CDH23: variants seen among roughly 807,000 people sequenced by gnomAD.
The protein encoded by CDH23 is cadherin related 23.
Under a neutral mutation model 317.1 loss-of-function variants are expected in CDH23, and 189 were observed. That is an observed-to-expected ratio of 0.60 (90% CI 0.53 to 0.67). The LOEUF is 0.67. Among genes scored for constraint, CDH23 ranks in the 30% least tolerant of loss-of-function variants. The probability of loss-of-function intolerance (pLI) is 0.00; values close to 1 mark genes in which losing one functional copy is unlikely to be tolerated. For missense variants in CDH23, 4,401 were observed against 4,592.4 expected, an observed-to-expected ratio of 0.96 and a Z score of 1.20; for synonymous variants, 1,839 against 1,876.8, an observed-to-expected ratio of 0.98 and a Z score of 0.52.
At chr10:71,586,191 G>A (rs991220380) in intron 9 of CDH23, among the ~76,000 whole-genome samples, 1 of 152,158 alleles carries the variant, frequency 6.6e-6, no homozygotes, top group African/African-American at 2.4e-5. Flanking sequence ...GTGGGGTTGG[G>A]GGGTTTCTAG....
intron 3 of CDH23, among the ~76,000 whole-genome samples, chr10:71,475,603 C>T (rs760887300): frequency 6.6e-5 from 10 of 152,192 alleles, no homozygotes; most frequent in Admixed American, 3.3e-4. Context: ...CCTGTATGCC[C>T]GCGTGACAAT....
intron 30 of CDH23, 59 bp from the exon 31 acceptor site, chr10:71,730,410 C>T: frequency 1.3e-6 from 2 of 1,590,302 alleles, no homozygotes; most frequent in South Asian, 1.1e-5. Context: ...TGGGCCAAGC[C>T]CTGGGCTTCC....
intron 3 of CDH23, among the ~76,000 whole-genome samples, chr10:71,458,961 G>A (rs1031330039): frequency 6.6e-6 from 1 of 151,100 alleles, no homozygotes; most frequent in African/African-American, 2.4e-5. Context: ...CTAATTTTTT[G>A]TATTTTTAGT....
chr10:71,419,003 AT>A (rs1281656514), intron 1 of CDH23, among the ~76,000 whole-genome samples: 1 of 152,206 alleles, frequency 6.6e-6, no homozygotes, highest in African/African-American at 2.4e-5. Flanking sequence ...ATAATAATAC[AT>A]TTTTAGCTTT....
At position 71,776,137 on chromosome 10, in the gene CDH23, C is replaced by T. The variant is rs147400337; in HGVS notation, c.4846-1543C>T. Among the ~76,000 whole-genome samples, 71 of 152,300 alleles carry T rather than the reference C, an allele frequency of 4.7e-4. 1 individual carries two copies. The highest frequency in any genetic ancestry group is 1.5e-3 in the African/African-American group (64 of 41,556). ...GTCCAGAGAGGGGATGTGACCTGCC[C>T]AAGGCCACGCAGCTCCTTTTCAAGG... On this transcript the variant is annotated intron_variant, in intron 38 of 69. Transcript: ENST00000224721.
intron 8 of CDH23, among the ~76,000 whole-genome samples, chr10:71,575,122 C>G (rs1858097847): frequency 6.6e-6 from 1 of 152,202 alleles, no homozygotes; most frequent in African/African-American, 2.4e-5. Context: ...GCCCTGGAGG[C>G]TGCTAGCTGT....
intron 38 of CDH23, chr10:71,755,602 C>A (rs901502281): frequency 9.0e-6 from 7 of 778,158 alleles, no homozygotes; most frequent in African/African-American, 8.8e-5. Context: ...AGACCCCCAG[C>A]AACCTACAGA....
intron 6 of CDH23, among the ~76,000 whole-genome samples, chr10:71,514,566 C>T (rs1013139028): frequency 5.9e-5 from 9 of 152,140 alleles, no homozygotes; most frequent in East Asian, 1.9e-4. Flanking sequence ...AAGCCTCTGC[C>T]GGGTCCAGCC....
intron 24 of CDH23, 59 bp downstream of exon 24, chr10:71,702,753 G>A: frequency 6.2e-7 from 1 of 1,600,294 alleles, no homozygotes; most frequent in Non-Finnish European, 8.5e-7. Context: ...TGCCTGAGGA[G>A]CCTAGCCCAG....
At chr10:71,660,232 C>A (rs994443408) in intron 14 of CDH23, among the ~76,000 whole-genome samples, 2 of 152,040 alleles carry the variant, frequency 1.3e-5, no homozygotes, top group Non-Finnish European at 2.9e-5. Flanking sequence ...GTGAGTGAGC[C>A]ACCGCGCCCG....
chr10:71,509,458 A>G (rs1853830723), intron 3 of CDH23, among the ~76,000 whole-genome samples: 1 of 152,190 alleles, frequency 6.6e-6, no homozygotes, highest in Non-Finnish European at 1.5e-5. Flanking sequence ...CTGTCTCTCC[A>G]TACATCATTT....
At chr10:71,686,394 G>A (rs1864897178) in intron 18 of CDH23, among the ~76,000 whole-genome samples, 2 of 152,098 alleles carry the variant, frequency 1.3e-5, no homozygotes, top group Admixed American at 1.3e-4. Flanking sequence ...GGGCAGGTCA[G>A]CGTGACCCAG....
intron 30 of CDH23, 122 bp downstream of exon 30, chr10:71,725,642 T>C: frequency 8.5e-7 from 1 of 1,182,006 alleles, no homozygotes; most frequent in Non-Finnish European, 1.2e-6. Flanking sequence ...AGGTGCTGAA[T>C]GACATCTGGG....
chr10:71,474,127 C>T (rs182161469), intron 3 of CDH23, among the ~76,000 whole-genome samples: 1 of 152,326 alleles, frequency 6.6e-6, no homozygotes, highest in South Asian at 2.1e-4. Context: ...CTCCACAATG[C>T]CAGAGGCACC....
At chr10:71,667,499 G>A (rs553488736) in intron 14 of CDH23, among the ~76,000 whole-genome samples, 1 of 152,040 alleles carries the variant, frequency 6.6e-6, no homozygotes, top group South Asian at 2.1e-4. Context: ...GTGTGCAGGG[G>A]GTACAGGATG....
Position 71,729,316 on chromosome 10 carries a change from T to C in CDH23, c.3580-1153T>C, listed in dbSNP as rs530033367. ...GAGACAAGGATTGGTGTGAAAGTAA[T>C]GTGTAAGAAGCGCCCACAGGAAAAG... On this transcript the variant is annotated intron_variant, in intron 30 of 69. Coordinates refer to ENST00000224721, the MANE Select transcript of CDH23 (RefSeq NM_022124.6). 5.3e-5 allele frequency among the ~76,000 whole-genome samples: 8 copies of C among 152,178 alleles called. No homozygotes were observed. In the East Asian group the frequency reaches 7.7e-4, roughly 15 times the overall value.
intron 3 of CDH23, among the ~76,000 whole-genome samples, chr10:71,477,642 T>C (rs1373560368): frequency 6.6e-6 from 1 of 152,230 alleles, no homozygotes; most frequent in Non-Finnish European, 1.5e-5. Flanking sequence ...TGAACGAGCA[T>C]GCCCTGCATC....
intron 34 of CDH23, among the ~76,000 whole-genome samples, chr10:71,736,815 G>A (rs2132837950): frequency 6.6e-6 from 1 of 152,342 alleles, no homozygotes; most frequent in East Asian, 1.9e-4. Context: ...GTGAGGGAAA[G>A]ACATTGATCA....
rs577773592 is a variant in CDH23 at position 71,793,707 on chromosome 10, C to T, written c.6712+67C>T. 4.6e-3 allele frequency: 5,352 copies of T among 1,171,020 alleles called. 26 individuals carry two copies. The highest frequency in any genetic ancestry group is 5.4e-3 in the Non-Finnish European group (4,582 of 847,228). The allele number at this position is 1,171,020 out of a possible 1,614,324, so 72.5% of individuals were successfully genotyped here. A position where few individuals can be genotyped will look rare whatever the true frequency, so the allele number is the denominator to read the frequency against. On this transcript the variant is annotated intron_variant, in intron 48 of 69. Transcript: ENST00000224721. ...AGTCCTGTCTCCTCGCTCCCTGCTT[C>T]CCCCTTCTTTCTCCTTTCTCTTTCT...
Sources: allele counts gnomAD v4.1 joint callset (sites outside exome capture counted in the v4.1 genomes callset), GRCh38; gene constraint gnomAD v4.1.1; transcripts MANE v1.5; gene names NCBI Gene and HGNC (gene_info 2026-07-23, HGNC 2026-07-21).